The following TNFSF8 variants were observed in gnomAD, a reference collection of about 807,000 sequenced individuals.
TNFSF8 encodes the protein TNF superfamily member 8.
TNFSF8 carries 4 observed loss-of-function variants against 22.0 expected under a neutral mutation model. The ratio of observed to expected loss-of-function variants is 0.18; its 90% CI spans 0.09 to 0.42. The LOEUF (loss-of-function observed/expected upper bound fraction) is 0.42, where lower values mean the gene tolerates loss of function less well. Among genes scored for constraint, TNFSF8 ranks in the 10% least tolerant of loss-of-function variants. TNFSF8 has a pLI of 1.00. For missense variants in TNFSF8, 233 were observed against 281.8 expected (o/e 0.83, Z 1.24); for synonymous variants, 106 against 112.5 (o/e 0.94, Z 0.37).
At position 114,930,235 on chromosome 9, in the gene TNFSF8, CG is replaced by C; in HGVS notation, c.68del (p.Pro23ArgfsTer19). ...CCAGGTGGCTGGCCACGGAGCCCGCCGGCACATGCATGGCTGTGTCTCCAGG... is the reference window on the plus strand; with the variant it reads ...CCAGGTGGCTGGCCACGGAGCCCGCCGCACATGCATGGCTGTGTCTCCAGG... ...APPGDTAMHVPAGSVASHLGT... is the reference protein window; with the variant it reads ...APPGDTAMHVXAGSVASHLGT... On this transcript the variant is annotated frameshift_variant, in exon 1 of 4. Coordinates refer to ENST00000223795, the MANE Select transcript of TNFSF8 (RefSeq NM_001244.4). LOFTEE classifies it high-confidence loss of function. The C allele has an allele frequency of 6.2e-7, 1 of 1,607,546 alleles. No homozygotes were observed. Among genetic ancestry groups the C allele is most frequent in the South Asian group, 1.1e-5 (1 of 90,288 alleles).
chr9:114,910,729 A>G (rs967064832), intron 2 of TNFSF8, among the ~76,000 whole-genome samples: 1 of 152,198 alleles, frequency 6.6e-6, no homozygotes, highest in African/African-American at 2.4e-5. Flanking sequence ...AGATGCAAAT[A>G]TGCTCAAGGC....
intron 2 of TNFSF8, among the ~76,000 whole-genome samples, chr9:114,907,285 G>A (rs923686079): frequency 1.3e-5 from 2 of 152,192 alleles, no homozygotes; most frequent in East Asian, 1.9e-4. Flanking sequence ...GGTGGTGAGA[G>A]CCAGTGGGTC....
intron 2 of TNFSF8, among the ~76,000 whole-genome samples, chr9:114,908,172 T>A (rs374804710): frequency 1.3e-5 from 2 of 152,202 alleles, no homozygotes; most frequent in African/African-American, 4.8e-5. Context: ...CAGTGAACCC[T>A]CAGGGCAGAG....
intron 2 of TNFSF8, among the ~76,000 whole-genome samples, chr9:114,907,813 G>A (rs1827803313): frequency 1.3e-5 from 2 of 152,182 alleles, no homozygotes; most frequent in Admixed American, 6.5e-5. Flanking sequence ...AACACGATAA[G>A]AGAGGTACCA....
At position 114,926,428 on chromosome 9, in the gene TNFSF8, CAAAAAAAG is replaced by C. The variant is rs570995189; in HGVS notation, c.195+3673_195+3680del. On this transcript the variant is annotated intron_variant, in intron 1 of 3. Transcript: ENST00000223795. ...CTGGGCGACAGAGCGAGACTGTCTCCAAAAAAAGAAAAAAAGAAAATGCACATTCCATT... is the reference window on the plus strand; with the variant it reads ...CTGGGCGACAGAGCGAGACTGTCTCCAAAAAAAGAAAATGCACATTCCATT... Among the ~76,000 whole-genome samples, 467 of 151,292 alleles carry C rather than the reference CAAAAAAAG, an allele frequency of 3.1e-3. 1 individual carries two copies. Among genetic ancestry groups the C allele is most frequent in the Non-Finnish European group, 5.4e-3 (363 of 67,814 alleles).
intron 1 of TNFSF8, among the ~76,000 whole-genome samples, chr9:114,925,024 C>A (rs1211980843): frequency 2.6e-5 from 4 of 152,106 alleles, no homozygotes; most frequent in African/African-American, 9.7e-5. Context: ...TCTTCTTGTG[C>A]CGAACTCCTA....
chr9:114,914,505 G>A (rs1412042780), intron 2 of TNFSF8, among the ~76,000 whole-genome samples: 2 of 152,200 alleles, frequency 1.3e-5, no homozygotes, highest in African/African-American at 2.4e-5. Context: ...GAGTGATGAG[G>A]AGAAGGATGA....
At chr9:114,927,323 A>C (rs1157782399) in intron 1 of TNFSF8, among the ~76,000 whole-genome samples, 2 of 152,070 alleles carry the variant, frequency 1.3e-5, no homozygotes, top group African/African-American at 4.8e-5. Flanking sequence ...AATATTTGAG[A>C]TAGAAACCTA....
chr9:114,919,883 G>T (rs953605586), intron 1 of TNFSF8, among the ~76,000 whole-genome samples: 1 of 152,150 alleles, frequency 6.6e-6, no homozygotes, highest in Admixed American at 6.5e-5. Context: ...AGTCAAGGAG[G>T]TCTCCTGAAG....
intron 1 of TNFSF8, among the ~76,000 whole-genome samples, chr9:114,924,483 T>C (rs1828032791): frequency 6.6e-6 from 1 of 152,194 alleles, no homozygotes; most frequent in Non-Finnish European, 1.5e-5. Context: ...AGTTAAGAGA[T>C]GGGTACTGAA....
chr9:114,897,084 A>G (rs892881922), downstream of TNFSF8, among the ~76,000 whole-genome samples: 2 of 152,038 alleles, frequency 1.3e-5, no homozygotes, highest in Admixed American at 6.6e-5. Flanking sequence ...GATTTTTAGT[A>G]GAGACGGGGT....
downstream of TNFSF8, among the ~76,000 whole-genome samples, chr9:114,899,342 ATTATT>A (rs1281853609): frequency 1.8e-4 from 26 of 142,654 alleles, no homozygotes; most frequent in African/African-American, 2.1e-4. Flanking sequence ...ACAGTAAGTT[ATTATT>A]TTTTTTTTTT....
intron 2 of TNFSF8, among the ~76,000 whole-genome samples, chr9:114,909,185 G>C (rs1352086413): frequency 6.6e-6 from 1 of 152,200 alleles, no homozygotes. Flanking sequence ...GTCATCAGCC[G>C]TGTGGCCTGA....
At chr9:114,926,547 C>T (rs1828062787) in intron 1 of TNFSF8, among the ~76,000 whole-genome samples, 1 of 152,214 alleles carries the variant, frequency 6.6e-6, no homozygotes. Context: ...ATGTCTCTCA[C>T]CAGGCACAGA....
At chr9:114,917,484 T>C (rs1827934026) in intron 2 of TNFSF8, among the ~76,000 whole-genome samples, 1 of 152,250 alleles carries the variant, frequency 6.6e-6, no homozygotes, top group Non-Finnish European at 1.5e-5. Flanking sequence ...CGATGTTAAC[T>C]GAACTCGGCA....
At chr9:114,916,004 A>G (rs527534511) in intron 2 of TNFSF8, among the ~76,000 whole-genome samples, 1 of 152,320 alleles carries the variant, frequency 6.6e-6, no homozygotes, top group East Asian at 1.9e-4. Context: ...CATGGTTGTG[A>G]AAAGTTTGGA....
At chr9:114,893,656 T>C in exon 5 of TNFSF8, 1 of 166,292 alleles carries the variant, frequency 6.0e-6, no homozygotes, top group South Asian at 1.4e-4. Context: ...TGATTGTAGA[T>C]AAGAATGAGT....
chr9:114,899,956 CAAG>C (rs1827698219), downstream of TNFSF8, among the ~76,000 whole-genome samples: 1 of 151,988 alleles, frequency 6.6e-6, no homozygotes, highest in African/African-American at 2.4e-5. Flanking sequence ...GGGAGGTGTG[CAAG>C]AAGAAGATGT....
chr9:114,898,178 AT>A (rs1827676843), downstream of TNFSF8, among the ~76,000 whole-genome samples: 1 of 34,082 alleles, frequency 2.9e-5, no homozygotes, highest in African/African-American at 3.6e-4. Context: ...AATTTTTTGT[AT>A]TTTTAGTAGA....
Sources: gnomAD v4.1 joint callset for allele counts (sites outside exome capture counted in the v4.1 genomes callset) on GRCh38, gnomAD v4.1.1 for gene constraint, MANE v1.5 for transcripts, NCBI Gene and HGNC (gene_info 2026-07-23, HGNC 2026-07-21) for gene names.